The following AGBL4 variants were observed in gnomAD, a reference collection of about 807,000 sequenced individuals.
AGBL4 encodes the protein AGBL carboxypeptidase 4, also known as cytosolic carboxypeptidase 6.
Under a neutral mutation model 66.4 loss-of-function variants are expected in AGBL4, and 58 were observed. That is an observed-to-expected ratio of 0.87 (90% CI 0.71 to 1.09). AGBL4 has a LOEUF of 1.09. Ranked by LOEUF, AGBL4 falls within the 50% of genes least tolerant of loss-of-function variation. The pLI is 0.00. For synonymous variants in AGBL4, 234 were observed against 222.9 expected (o/e 1.05, Z -0.44); for missense variants, 579 against 631.0 (o/e 0.92, Z 0.88).
At chr1:49,838,027 G>A (rs903229534) in intron 2 of AGBL4, among the ~76,000 whole-genome samples, 1 of 152,090 alleles carries the variant, frequency 6.6e-6, no homozygotes, top group Non-Finnish European at 1.5e-5. Flanking sequence ...ATCAAAAATG[G>A]GTCAGTGAAA....
At chr1:49,077,328 T>C (rs1309570061) in intron 4 of AGBL4, among the ~76,000 whole-genome samples, 1 of 152,178 alleles carries the variant, frequency 6.6e-6, no homozygotes, top group East Asian at 1.9e-4. Context: ...CTCCTGAACA[T>C]GTCTGATTTA....
intron 4 of AGBL4, among the ~76,000 whole-genome samples, chr1:49,121,317 G>C (rs573564799): frequency 2.0e-5 from 3 of 152,144 alleles, no homozygotes; most frequent in Non-Finnish European, 4.4e-5. Flanking sequence ...CAGCTTTTCT[G>C]CCTTGGTTTC....
intron 3 of AGBL4, among the ~76,000 whole-genome samples, chr1:49,394,969 A>G (rs1035969956): frequency 2.0e-5 from 3 of 152,146 alleles, no homozygotes; most frequent in Non-Finnish European, 4.4e-5. Context: ...AAGCCAAACC[A>G]TCAATCTTGC....
intron 3 of AGBL4, among the ~76,000 whole-genome samples, chr1:49,506,650 T>TTCTTTATAAATTACCCAGTCTTGGGTATG (rs1219374669): frequency 2.0e-5 from 3 of 152,128 alleles, no homozygotes; most frequent in Non-Finnish European, 4.4e-5. Flanking sequence ...TAAACCTCTT[T>TTCTTTATAAATTACCCAGTCTTGGGTATG]TCTTTATAAA....
chr1:49,230,129 A>G (rs1650200778), intron 4 of AGBL4, among the ~76,000 whole-genome samples: 1 of 152,142 alleles, frequency 6.6e-6, no homozygotes, highest in Non-Finnish European at 1.5e-5. Context: ...TCAGCTTAGG[A>G]GTACGGCTTT....
intron 4 of AGBL4, among the ~76,000 whole-genome samples, chr1:49,235,292 A>G (rs1397624525): frequency 4.6e-5 from 7 of 152,226 alleles, no homozygotes; most frequent in Non-Finnish European, 7.3e-5. Flanking sequence ...AAGCAGCACA[A>G]TAGCACAATC....
chr1:49,413,189 A>G (rs982570201), intron 3 of AGBL4, among the ~76,000 whole-genome samples: 17 of 152,202 alleles, frequency 1.1e-4, no homozygotes, highest in African/African-American at 3.9e-4. Flanking sequence ...GCAAAAAGGT[A>G]GCAGCACCCA....
intron 3 of AGBL4, among the ~76,000 whole-genome samples, chr1:49,511,867 G>A (rs564561638): frequency 3.9e-5 from 6 of 151,972 alleles, no homozygotes; most frequent in African/African-American, 1.4e-4. Flanking sequence ...TCAGATAATT[G>A]AGAAGTGCCA....
At chr1:48,940,888 G>A (rs1655911334) in intron 5 of AGBL4, among the ~76,000 whole-genome samples, 1 of 152,132 alleles carries the variant, frequency 6.6e-6, no homozygotes, top group South Asian at 2.1e-4. Flanking sequence ...TGAGTTTTGT[G>A]GTGAGCAAAA....
intron 5 of AGBL4, among the ~76,000 whole-genome samples, chr1:48,981,999 G>C (rs1255988689): frequency 6.6e-6 from 1 of 152,172 alleles, no homozygotes; most frequent in East Asian, 1.9e-4. Context: ...ACAGATCAAG[G>C]TTTTGAAGCA....
At chr1:49,494,276 GTTT>G (rs531356460) in intron 3 of AGBL4, among the ~76,000 whole-genome samples, 1 of 146,224 alleles carries the variant, frequency 6.8e-6, no homozygotes, top group Admixed American at 6.9e-5. Flanking sequence ...TTTGCCTTGA[GTTT>G]TTTTTTTTAT....
chr1:49,328,887 G>A (rs1210801190), intron 3 of AGBL4, among the ~76,000 whole-genome samples: 3 of 152,190 alleles, frequency 2.0e-5, no homozygotes, highest in Non-Finnish European at 4.4e-5. Flanking sequence ...CCATCTTAGT[G>A]TAGGATCTTA....
At chr1:49,000,540 T>C (rs771012077) in intron 5 of AGBL4, among the ~76,000 whole-genome samples, 52 of 152,170 alleles carry the variant, frequency 3.4e-4, no homozygotes, top group Non-Finnish European at 6.9e-4. Context: ...ATATGTAAAA[T>C]TAGAAAAGTT....
At chr1:49,054,259 T>C (rs929656466) in intron 4 of AGBL4, among the ~76,000 whole-genome samples, 1 of 152,080 alleles carries the variant, frequency 6.6e-6, no homozygotes, top group African/African-American at 2.4e-5. Context: ...AACAAAATAA[T>C]TTAACTGAAT....
chr1:49,684,563 C>G (rs536410192), intron 3 of AGBL4, among the ~76,000 whole-genome samples: 2 of 152,240 alleles, frequency 1.3e-5, no homozygotes, highest in Admixed American at 1.3e-4. Context: ...CATGTCATGT[C>G]ACATCAATCA....
chr1:49,321,015 A>G (rs1168138147), intron 3 of AGBL4, among the ~76,000 whole-genome samples: 1 of 152,196 alleles, frequency 6.6e-6, no homozygotes, highest in Non-Finnish European at 1.5e-5. Context: ...CTCATGTTCC[A>G]GTCACTCCCA....
chr1:49,773,158 T>C (rs539119142), intron 2 of AGBL4, among the ~76,000 whole-genome samples: 9 of 152,194 alleles, frequency 5.9e-5, no homozygotes, highest in Admixed American at 3.3e-4. Flanking sequence ...TTCTTTGAAA[T>C]AGTAAGCTCT....
intron 3 of AGBL4, among the ~76,000 whole-genome samples, chr1:49,622,539 G>A (rs1200302714): frequency 7.0e-6 from 1 of 142,304 alleles, no homozygotes; most frequent in Non-Finnish European, 1.5e-5. Flanking sequence ...TGAGGCAGGA[G>A]AATGGCGTGA....
intron 3 of AGBL4, among the ~76,000 whole-genome samples, chr1:49,613,283 A>G (rs974409653): frequency 6.6e-6 from 1 of 151,860 alleles, no homozygotes; most frequent in African/African-American, 2.4e-5. Flanking sequence ...TGGGTACCAC[A>G]CTCAGTACCA....
Sources: allele counts gnomAD v4.1 joint callset (sites outside exome capture counted in the v4.1 genomes callset), GRCh38; gene constraint gnomAD v4.1.1; transcripts MANE v1.5; gene names NCBI Gene and HGNC (gene_info 2026-07-23, HGNC 2026-07-21).